Variants in NIPAL2 observed in about 807,000 individuals in gnomAD.
NIPAL2 encodes NIPA-like protein 2.
NIPAL2 carries 43 observed loss-of-function variants against 48.9 expected under a neutral mutation model. The observed-to-expected ratio is 0.88, with a 90% CI of 0.69 to 1.13. The LOEUF is 1.13. NIPAL2 is among the 50% of genes most tolerant of loss of function. NIPAL2 has a pLI of 0.00. For missense variants in NIPAL2, 446 were observed against 461.4 expected (o/e 0.97, Z 0.31); for synonymous variants, 167 against 174.6 (o/e 0.96, Z 0.34).
intron 1 of NIPAL2, among the ~76,000 whole-genome samples, chr8:98,262,804 C>T (rs1385775341): frequency 1.3e-5 from 2 of 151,566 alleles, no homozygotes; most frequent in Non-Finnish European, 1.5e-5. Flanking sequence ...GAACTCTCCA[C>T]CCCAAATCAA....
chr8:98,265,007 C>G (rs1385067952), intron 1 of NIPAL2, among the ~76,000 whole-genome samples: 3 of 143,164 alleles, frequency 2.1e-5, no homozygotes, highest in African/African-American at 7.8e-5. Flanking sequence ...CTTTGACAAA[C>G]CTGAGAAAAA....
intron 4 of NIPAL2, among the ~76,000 whole-genome samples, chr8:98,230,308 T>C (rs1188309062): frequency 6.6e-6 from 1 of 152,162 alleles, no homozygotes; most frequent in East Asian, 1.9e-4. Context: ...CCTTGACTGG[T>C]CTCAGGTTAT....
At chr8:98,225,715 C>T (rs1277877779) in intron 4 of NIPAL2, among the ~76,000 whole-genome samples, 1 of 152,078 alleles carries the variant, frequency 6.6e-6, no homozygotes, top group Non-Finnish European at 1.5e-5. Flanking sequence ...TGTACATGAA[C>T]CTTCTTGTAC....
At chr8:98,206,537 A>G (rs1811047720) in intron 6 of NIPAL2, among the ~76,000 whole-genome samples, 2 of 152,254 alleles carry the variant, frequency 1.3e-5, no homozygotes, top group African/African-American at 4.8e-5. Context: ...CTGTAATCCC[A>G]GCACTTTGGG....
At chr8:98,276,138 G>A (rs967193287) in intron 1 of NIPAL2, among the ~76,000 whole-genome samples, 5 of 152,096 alleles carry the variant, frequency 3.3e-5, no homozygotes, top group African/African-American at 1.2e-4. Flanking sequence ...TTCACTGTTA[G>A]TTTTTCATGC....
At chr8:98,290,507 G>A (rs1816434127) in intron 1 of NIPAL2, among the ~76,000 whole-genome samples, 1 of 152,028 alleles carries the variant, frequency 6.6e-6, no homozygotes, top group Non-Finnish European at 1.5e-5. Context: ...CGCTGGTTTG[G>A]CTCTTATTTA....
rs370241634 is a variant in NIPAL2 at position 98,222,428 on chromosome 8, G to T, written c.558+51C>A. On this transcript the variant is annotated intron_variant, in intron 5 of 10. Transcript: ENST00000430223. The stretch of plus-strand genomic sequence containing the variant: ...TGTTCTCTAATATCTGCATGGACCA[G>T]TGGTCTGGATAATATAGCTTCGGGG... The T allele has an allele frequency of 1.9e-6, 3 of 1,576,338 alleles. No homozygotes were observed. The Admixed American group carries it at 5.4e-5, about 29-fold the overall frequency.
intron 4 of NIPAL2, among the ~76,000 whole-genome samples, chr8:98,229,290 C>T (rs1272791321): frequency 6.6e-6 from 1 of 152,138 alleles, no homozygotes; most frequent in African/African-American, 2.4e-5. Context: ...GATATTTGTG[C>T]AAAACAGGTA....
At chr8:98,242,326 A>G (rs1813028214) in intron 3 of NIPAL2, among the ~76,000 whole-genome samples, 1 of 151,640 alleles carries the variant, frequency 6.6e-6, no homozygotes, top group African/African-American at 2.4e-5. Flanking sequence ...ACTATAGGCA[A>G]TACCGTGTAC....
At chr8:98,293,471 G>A (rs2130932339) in intron 1 of NIPAL2, among the ~76,000 whole-genome samples, 1 of 152,342 alleles carries the variant, frequency 6.6e-6, no homozygotes, top group Non-Finnish European at 1.5e-5. Flanking sequence ...TGCAACCTGA[G>A]AAAATGTGTT....
chr8:98,222,046 A>C (rs1346152414), intron 5 of NIPAL2, among the ~76,000 whole-genome samples: 1 of 152,214 alleles, frequency 6.6e-6, no homozygotes, highest in East Asian at 1.9e-4. Context: ...AATGTCCATC[A>C]ATGATAGATT....
intron 3 of NIPAL2, among the ~76,000 whole-genome samples, chr8:98,249,573 A>G (rs1813474743): frequency 6.7e-6 from 1 of 148,866 alleles, no homozygotes; most frequent in South Asian, 2.1e-4. Context: ...TATTCAATTA[A>G]TATATTATCT....
chr8:98,209,658 C>T (rs1297253355), intron 6 of NIPAL2, among the ~76,000 whole-genome samples: 3 of 151,494 alleles, frequency 2.0e-5, no homozygotes, highest in African/African-American at 7.3e-5. Context: ...GTATGATTTG[C>T]TCTGTTTTAT....
chr8:98,203,655 A>C (rs766709704), intron 7 of NIPAL2, among the ~76,000 whole-genome samples: 34 of 152,246 alleles, frequency 2.2e-4, no homozygotes, highest in Non-Finnish European at 4.1e-4. Flanking sequence ...TGCAGAGCAC[A>C]TGTGGGAGCT....
At chr8:98,211,873 G>A (rs1811340207) in intron 6 of NIPAL2, among the ~76,000 whole-genome samples, 1 of 151,672 alleles carries the variant, frequency 6.6e-6, no homozygotes, top group Admixed American at 6.6e-5. Flanking sequence ...AATACATAGT[G>A]GGCTTATCTA....
At chr8:98,236,060 G>T in intron 4 of NIPAL2, 95 bp downstream of exon 4, 1 of 865,650 alleles carries the variant, frequency 1.2e-6, no homozygotes, top group Non-Finnish European at 1.9e-6. Context: ...TCAGTAATTT[G>T]TTTCCAGTTT....
chr8:98,284,414 T>TCC (rs1816034945), intron 1 of NIPAL2, among the ~76,000 whole-genome samples: 5 of 100,818 alleles, frequency 5.0e-5, no homozygotes, highest in African/African-American at 1.4e-4. Context: ...TCTCTCTCTC[T>TCC]CTCTCACACA....
At chr8:98,259,070 CTTTTTTT>C (rs869220202) in intron 1 of NIPAL2, among the ~76,000 whole-genome samples, 2,508 of 41,796 alleles carry the variant, frequency 0.06, 28 homozygotes, top group Middle Eastern at 0.092. Context: ...TTAAATATTC[CTTTTTTT>C]TTTTTTTTTT....
chr8:98,235,635 A>G (rs947826441), intron 4 of NIPAL2, among the ~76,000 whole-genome samples: 1 of 151,630 alleles, frequency 6.6e-6, no homozygotes. Flanking sequence ...AAATTTTATA[A>G]CATTAATATT....
Sources: gnomAD v4.1 joint callset for allele counts (sites outside exome capture counted in the v4.1 genomes callset) on GRCh38, gnomAD v4.1.1 for gene constraint, MANE v1.5 for transcripts, NCBI Gene and HGNC (gene_info 2026-07-23, HGNC 2026-07-21) for gene names.